CACNA1C: variants seen among roughly 807,000 people sequenced by gnomAD.
CACNA1C encodes the protein calcium voltage-gated channel subunit alpha1 C, also known as voltage-dependent L-type calcium channel subunit alpha-1C.
Under a neutral mutation model 229.0 loss-of-function variants are expected in CACNA1C, and 30 were observed. That is an observed-to-expected ratio of 0.13 (90% CI 0.10 to 0.18). The LOEUF is 0.18. Ranked by LOEUF, CACNA1C falls within the 10% of genes least tolerant of loss-of-function variation. CACNA1C has a pLI of 1.00. For synonymous variants in CACNA1C, 1,114 were observed against 1,132.5 expected (o/e 0.98, Z 0.33); for missense variants, 1,658 against 2,845.0 (o/e 0.58, Z 9.49).
chr12:2,094,688 C>G (rs2073020292), intron 1 of CACNA1C, among the ~76,000 whole-genome samples: 1 of 152,166 alleles, frequency 6.6e-6, no homozygotes, highest in Non-Finnish European at 1.5e-5. Flanking sequence ...GAGGAAGAGA[C>G]TCATGCATTC....
chr12:2,527,578 C>A (rs1396041500), intron 9 of CACNA1C, among the ~76,000 whole-genome samples: 1 of 152,150 alleles, frequency 6.6e-6, no homozygotes, highest in Admixed American at 6.6e-5. Context: ...TGCACACCTA[C>A]TAACACATGC....
At position 2,597,425 on chromosome 12, in the gene CACNA1C, C is replaced by T. The variant is rs1247851838; in HGVS notation, c.2853+136C>T. The T allele has an allele frequency of 6.3e-7, 1 of 1,599,924 alleles. No homozygotes were observed. The highest frequency in any genetic ancestry group is 1.3e-5 in the African/African-American group (1 of 74,586). Reference sequence around the variant, plus strand: ...TCTCAGAGCCACTAATCCAATTATGCTTATTTTTCAGATCCTAGGCAATGC... The same window carrying T: ...TCTCAGAGCCACTAATCCAATTATGTTTATTTTTCAGATCCTAGGCAATGC... On this transcript the variant is annotated intron_variant, in intron 21 of 46. Transcript: ENST00000399655. The surrounding 1 kb of genome is among the most constrained non-coding windows in gnomAD (Gnocchi z 4.3).
intron 3 of CACNA1C, among the ~76,000 whole-genome samples, chr12:2,447,119 C>T (rs2099303856): frequency 6.6e-6 from 1 of 152,128 alleles, no homozygotes; most frequent in Admixed American, 6.5e-5. Context: ...TGTGACAGCT[C>T]CACTATTCCC....
chr12:2,004,055 TAG>T, intron 1 of CACNA1C: 1 of 623,052 alleles, frequency 1.6e-6, no homozygotes, highest in Non-Finnish European at 2.8e-6. Context: ...TTGGGTACGT[TAG>T]AGATTTAAGT....
chr12:2,663,311 T>TA (rs1317209606), intron 34 of CACNA1C, among the ~76,000 whole-genome samples: 1 of 152,046 alleles, frequency 6.6e-6, no homozygotes, highest in Non-Finnish European at 1.5e-5. Flanking sequence ...ATTTAAAAAA[T>TA]AAAAAATAAT....
At chr12:2,408,131 A>G (rs996416998) in intron 3 of CACNA1C, among the ~76,000 whole-genome samples, 14 of 152,254 alleles carry the variant, frequency 9.2e-5, no homozygotes, top group Admixed American at 8.5e-4. Flanking sequence ...AAGTAAAATA[A>G]GCCAGACACA....
rs1023843697 is a variant in CACNA1C at position 2,349,157 on chromosome 12, G to A, written c.478-99819G>A. On this transcript the variant is annotated intron_variant, in intron 3 of 46. Transcript: ENST00000399655. ...GCATTCAGCACTACACCAAGGTCACGGGAGGGGTCTGCTCTAATAGCATGT... is the reference window on the plus strand; with the variant it reads ...GCATTCAGCACTACACCAAGGTCACAGGAGGGGTCTGCTCTAATAGCATGT... 6.6e-5 allele frequency among the ~76,000 whole-genome samples: 10 copies of A among 152,178 alleles called. No individual in the cohort carries two copies. The South Asian group carries it at 1.4e-3, about 22-fold the overall frequency.
intron 3 of CACNA1C, among the ~76,000 whole-genome samples, chr12:2,420,042 C>T (rs975552347): frequency 6.6e-6 from 1 of 151,670 alleles, no homozygotes; most frequent in African/African-American, 2.4e-5. Context: ...TGGCCATGGC[C>T]TCACCCCTCT....
At chr12:2,491,644 GGAGGAGGAA>G (rs2099734887) in intron 6 of CACNA1C, among the ~76,000 whole-genome samples, 1 of 151,514 alleles carries the variant, frequency 6.6e-6, no homozygotes, top group South Asian at 2.1e-4. Context: ...AGGAGGAGGA[GGAGGAGGAA>G]GAGGAGGAGG....
At chr12:2,195,219 G>A (rs990998204) in intron 3 of CACNA1C, among the ~76,000 whole-genome samples, 1 of 152,200 alleles carries the variant, frequency 6.6e-6, no homozygotes, top group African/African-American at 2.4e-5. Context: ...GGGTTTTAGT[G>A]TCCCAAAGCC....
intron 3 of CACNA1C, among the ~76,000 whole-genome samples, chr12:2,323,698 C>T (rs2096137496): frequency 6.6e-6 from 1 of 152,250 alleles, no homozygotes; most frequent in Non-Finnish European, 1.5e-5. Context: ...CGAGCTCATG[C>T]TTCCTGTTCC....
intron 3 of CACNA1C, among the ~76,000 whole-genome samples, chr12:2,203,679 G>T (rs1235511551): frequency 6.6e-6 from 1 of 151,864 alleles, no homozygotes; most frequent in Admixed American, 6.6e-5. Context: ...TGCTCCTTCA[G>T]GGTCACCCAC....
chr12:2,434,224 C>T (rs972871912), intron 3 of CACNA1C, among the ~76,000 whole-genome samples: 12 of 152,146 alleles, frequency 7.9e-5, no homozygotes, highest in Non-Finnish European at 2.9e-5. Flanking sequence ...GACCCCCCGT[C>T]TGTAATCCCC....
At chr12:2,345,882 T>G (rs73605780) in intron 3 of CACNA1C, among the ~76,000 whole-genome samples, 1 of 152,200 alleles carries the variant, frequency 6.6e-6, no homozygotes, top group East Asian at 1.9e-4. Flanking sequence ...CCGCTCTTCC[T>G]TGGGCCAAAT....
intron 29 of CACNA1C, among the ~76,000 whole-genome samples, chr12:2,631,593 T>G (rs897479674): frequency 6.6e-6 from 1 of 152,238 alleles, no homozygotes; most frequent in Non-Finnish European, 1.5e-5. Context: ...AGCGAATTGG[T>G]TATTTCCTGC....
At chr12:2,500,356 A>G (rs1300142044) in intron 7 of CACNA1C, among the ~76,000 whole-genome samples, 1 of 152,178 alleles carries the variant, frequency 6.6e-6, no homozygotes, top group Non-Finnish European at 1.5e-5. Flanking sequence ...AGAAGAAAGG[A>G]TTCCCAGACT....
intron 1 of CACNA1C, among the ~76,000 whole-genome samples, chr12:1,986,161 G>A (rs1238054837): frequency 3.9e-5 from 6 of 152,204 alleles, no homozygotes; most frequent in East Asian, 3.8e-4. Context: ...ACATATACTA[G>A]TCTGAATTTG....
chr12:2,419,450 G>T (rs1203179213), intron 3 of CACNA1C, among the ~76,000 whole-genome samples: 1 of 152,078 alleles, frequency 6.6e-6, no homozygotes, highest in Non-Finnish European at 1.5e-5. Context: ...CCCACCTCCA[G>T]TCCTCCAGTG....
intron 3 of CACNA1C, among the ~76,000 whole-genome samples, chr12:2,229,966 A>C (rs2064295429): frequency 6.6e-6 from 1 of 152,150 alleles, no homozygotes; most frequent in African/African-American, 2.4e-5. Context: ...TGGCTGCTGT[A>C]TGGGAGGTGA....
Sources: allele counts gnomAD v4.1 joint callset (sites outside exome capture counted in the v4.1 genomes callset), GRCh38; gene constraint gnomAD v4.1.1; non-coding constraint Gnocchi (gnomAD v3.1); transcripts MANE v1.5; gene names NCBI Gene and HGNC (gene_info 2026-07-23, HGNC 2026-07-21).